The following SYN3 variants were observed in gnomAD, a reference collection of about 807,000 sequenced individuals.
SYN3 encodes the protein synapsin-3.
SYN3 carries 35 observed loss-of-function variants against 65.8 expected under a neutral mutation model. The observed-to-expected ratio is 0.53, with a 90% confidence interval of 0.41 to 0.70. SYN3 has a LOEUF of 0.70. Among genes scored for constraint, SYN3 ranks in the 30% least tolerant of loss-of-function variants. The pLI is 0.00. For missense variants in SYN3, 680 were observed against 749.0 expected (o/e 0.91, Z 1.08); for synonymous variants, 270 against 292.9 (o/e 0.92, Z 0.80).
At chr22:32,914,844 A>T (rs921621342) in intron 4 of SYN3, among the ~76,000 whole-genome samples, 1 of 152,204 alleles carries the variant, frequency 6.6e-6, no homozygotes, top group African/African-American at 2.4e-5. Context: ...GTTTGAAAAC[A>T]AAGGAAGGCT....
At chr22:32,700,670 C>G (rs1737650909) in intron 6 of SYN3, among the ~76,000 whole-genome samples, 1 of 152,172 alleles carries the variant, frequency 6.6e-6, no homozygotes. Flanking sequence ...CCTCTAAGAC[C>G]TCACAATTCT....
intron 7 of SYN3, among the ~76,000 whole-genome samples, chr22:32,591,757 G>A (rs930120464): frequency 4.6e-5 from 7 of 152,134 alleles, no homozygotes; most frequent in African/African-American, 7.2e-5. Context: ...GGTCAACTGC[G>A]GTCCAGATAC....
At chr22:33,028,667 G>GTGGTGA (rs906022345) in intron 1 of SYN3, among the ~76,000 whole-genome samples, 3 of 130,460 alleles carry the variant, frequency 2.3e-5, no homozygotes, top group African/African-American at 3.3e-5. Context: ...GGTGGTGGTG[G>GTGGTGA]TGGTGGTGGT....
At chr22:32,983,035 G>A (rs758384276) in intron 2 of SYN3, among the ~76,000 whole-genome samples, 4 of 152,120 alleles carry the variant, frequency 2.6e-5, no homozygotes, top group Non-Finnish European at 5.9e-5. Context: ...TTTGGATATC[G>A]TCTCACAAAA....
intron 6 of SYN3, among the ~76,000 whole-genome samples, chr22:32,753,219 A>G (rs1263741566): frequency 6.6e-6 from 1 of 152,146 alleles, no homozygotes; most frequent in African/African-American, 2.4e-5. Context: ...AGGTTGTATG[A>G]AAGGTCAAAG....
intron 6 of SYN3, among the ~76,000 whole-genome samples, chr22:32,689,014 T>C (rs2060629010): frequency 6.6e-6 from 1 of 152,214 alleles, no homozygotes; most frequent in South Asian, 2.1e-4. Context: ...AATAATCATA[T>C]GTATCTTTGG....
At chr22:32,585,996 A>G (rs568295025) in intron 7 of SYN3, among the ~76,000 whole-genome samples, 1 of 81,590 alleles carries the variant, frequency 1.2e-5, no homozygotes, top group African/African-American at 3.9e-5. Context: ...GTATACGTAT[A>G]TATGTATGTA....
intron 6 of SYN3, among the ~76,000 whole-genome samples, chr22:32,850,416 G>A (rs1002489835): frequency 2.6e-5 from 4 of 152,072 alleles, no homozygotes; most frequent in African/African-American, 7.2e-5. Context: ...AAGGAGGAGC[G>A]GGTGGTATAC....
chr22:32,852,655 C>T (rs1370613535), intron 6 of SYN3, among the ~76,000 whole-genome samples: 2 of 152,150 alleles, frequency 1.3e-5, no homozygotes, highest in Admixed American at 1.3e-4. Flanking sequence ...TGATGGAAGG[C>T]AGGCAGACCT....
chr22:32,726,155 T>G (rs2061188530), intron 6 of SYN3, among the ~76,000 whole-genome samples: 1 of 151,942 alleles, frequency 6.6e-6, no homozygotes, highest in Non-Finnish European at 1.5e-5. Flanking sequence ...ATTTTTATTT[T>G]TTTTTTGAGA....
chr22:32,803,872 C>T (rs748089973), intron 6 of SYN3, among the ~76,000 whole-genome samples: 2 of 152,108 alleles, frequency 1.3e-5, no homozygotes, highest in Non-Finnish European at 2.9e-5. Context: ...GAGTAGGTCC[C>T]CATTCTTCCC....
intron 6 of SYN3, among the ~76,000 whole-genome samples, chr22:32,763,450 C>A (rs574870985): frequency 3.4e-4 from 52 of 152,118 alleles, no homozygotes; most frequent in Non-Finnish European, 7.1e-4. Flanking sequence ...CACGCCTGGC[C>A]AAGTGCTCTA....
chr22:32,679,730 A>G (rs1365804847), intron 6 of SYN3, among the ~76,000 whole-genome samples: 2 of 151,230 alleles, frequency 1.3e-5, no homozygotes, highest in Admixed American at 6.6e-5. Flanking sequence ...ATGATTAGCC[A>G]TGTTCAGCAT....
chr22:32,859,767 A>C, intron 6 of SYN3: 1 of 249,934 alleles, frequency 4.0e-6, no homozygotes, highest in Non-Finnish European at 7.8e-6. Context: ...CATCTCCCAG[A>C]CCCTCTTCCC....
chr22:32,865,073 C>T, intron 5 of SYN3, 69 bp from the exon 6 acceptor site: 1 of 1,278,016 alleles, frequency 7.8e-7, no homozygotes, highest in Non-Finnish European at 1.1e-6. Flanking sequence ...CCCACTTGAT[C>T]TGAGGCCTCA....
At chr22:32,998,082 C>T (rs133931) in intron 2 of SYN3, among the ~76,000 whole-genome samples, 62,043 of 150,978 alleles carry the variant, frequency 0.41, 13,092 homozygotes, top group African/African-American at 0.49. Flanking sequence ...GATTGTCACA[C>T]CCCCAACCTT....
At chr22:32,671,045 T>G (rs2060354245) in intron 6 of SYN3, among the ~76,000 whole-genome samples, 1 of 152,228 alleles carries the variant, frequency 6.6e-6, no homozygotes, top group Non-Finnish European at 1.5e-5. Context: ...ATAAGGCTAT[T>G]TGGCACATCT....
intron 1 of SYN3, among the ~76,000 whole-genome samples, chr22:33,039,542 C>T (rs567678186): frequency 1.1e-3 from 168 of 152,150 alleles, no homozygotes; most frequent in Non-Finnish European, 1.8e-3. Context: ...TTACAGGTGC[C>T]TGCCACCACA....
intron 4 of SYN3, among the ~76,000 whole-genome samples, chr22:32,887,031 CA>C (rs35912616): frequency 0.11 from 16,282 of 152,196 alleles, 1,362 homozygotes; most frequent in East Asian, 0.43. Context: ...GTCTTGCTCC[CA>C]GATGTATTCT....
Sources: allele counts gnomAD v4.1 joint callset (sites outside exome capture counted in the v4.1 genomes callset), GRCh38; gene constraint gnomAD v4.1.1; transcripts MANE v1.5; gene names NCBI Gene and HGNC (gene_info 2026-07-23, HGNC 2026-07-21).